Variants in PCDHGB6 observed in about 807,000 individuals in gnomAD.
PCDHGB6 encodes protocadherin gamma subfamily B, 6.
PCDHGB6 carries 51 observed loss-of-function variants against 59.1 expected under a neutral mutation model. The ratio of observed to expected loss-of-function variants is 0.86; its 90% confidence interval spans 0.69 to 1.09. PCDHGB6 has a LOEUF of 1.09. Among genes scored for constraint, PCDHGB6 ranks in the 50% least tolerant of loss-of-function variants. The probability of loss-of-function intolerance (pLI) is 0.00; values close to 1 mark genes in which losing one functional copy is unlikely to be tolerated. For missense variants in PCDHGB6, 1,148 were observed against 1,205.1 expected (o/e 0.95, Z 0.70); for synonymous variants, 466 against 495.1 (o/e 0.94, Z 0.78).
chr5:141,410,023 C>A lies in PCDHGB6; in HGVS notation c.1821C>A (p.His607Gln). The change falls in exon 1 of 4, where the codon CAC (histidine) becomes CAA (glutamine). Residue 607 changes from histidine (H) to glutamine (Q), a missense_variant. Physicochemically the swap from His to Gln is conservative, Grantham distance 24. Coordinates refer to ENST00000520790, the MANE Select transcript of PCDHGB6 (RefSeq NM_018926.3). ...GACACAACGCCTGGCTGTCCTACCA[C>A]GTGCTGCAGGCCAGTGAGCCCGGAC... ...DSGHNAWLSY[H>Q]VLQASEPGLF... 6.2e-7 allele frequency: 1 copy of A among 1,613,310 alleles called. No individual in the cohort carries two copies. The highest frequency in any genetic ancestry group is 1.1e-5 in the South Asian group (1 of 91,086).
chr5:141,448,669 G>A (rs553283446), intron 1 of PCDHGB6, among the ~76,000 whole-genome samples: 13 of 152,136 alleles, frequency 8.5e-5, no homozygotes, highest in African/African-American at 7.2e-5. Flanking sequence ...GGCCGGGCGC[G>A]GTGGCTCACG....
intron 1 of PCDHGB6, among the ~76,000 whole-genome samples, chr5:141,458,449 A>G (rs1483902182): frequency 6.6e-6 from 1 of 152,086 alleles, no homozygotes; most frequent in Non-Finnish European, 1.5e-5. Context: ...CCACATTAAC[A>G]ATTTTTAAAA....
In PCDHGB6 at chr5:141,409,824, C is replaced by A. The variant is rs1265260597; in HGVS notation, c.1622C>A (p.Thr541Lys). The change falls in exon 1 of 4, where the codon ACG becomes AAG. Residue 541 changes from threonine (T) to lysine (K), a missense_variant. Physicochemically the swap from Thr to Lys is moderately conservative, Grantham distance 78. Coordinates refer to ENST00000520790, the MANE Select transcript of PCDHGB6 (RefSeq NM_018926.3). ...TLQARDHGSP[T>K]LSANVSLRVL... Reference sequence around the variant, plus strand: ...CAGGCCCGCGACCACGGCTCGCCCACGCTCAGCGCCAACGTGAGCCTGCGC... The same window carrying A: ...CAGGCCCGCGACCACGGCTCGCCCAAGCTCAGCGCCAACGTGAGCCTGCGC... 6.2e-7 allele frequency: 1 copy of A among 1,610,742 alleles called. No individual in the cohort carries two copies. The highest frequency in any genetic ancestry group is 8.5e-7 in the Non-Finnish European group (1 of 1,178,856).
chr5:141,468,348 A>C (rs962230735), intron 1 of PCDHGB6: 2 of 150,318 alleles, frequency 1.3e-5, no homozygotes, highest in African/African-American at 4.9e-5. Context: ...AAAAAAAAAA[A>C]AGAAAGAAAA....
chr5:141,501,419 C>A (rs910783867), intron 2 of PCDHGB6, among the ~76,000 whole-genome samples: 1 of 151,920 alleles, frequency 6.6e-6, no homozygotes, highest in Non-Finnish European at 1.5e-5. Flanking sequence ...AAATAGTTGA[C>A]TAAATGTAGT....
chr5:141,451,914 A>G (rs1387569597), intron 1 of PCDHGB6, among the ~76,000 whole-genome samples: 3 of 152,022 alleles, frequency 2.0e-5, no homozygotes, highest in East Asian at 1.9e-4. Context: ...GGGAGGGAGG[A>G]AGGAAGGGAG....
In PCDHGB6 at chr5:141,431,464, G is replaced by C. The variant is rs1413324509; in HGVS notation, c.2418+20844G>C. On this transcript the variant is annotated intron_variant, in intron 1 of 3. Coordinates refer to ENST00000520790, the MANE Select transcript of PCDHGB6 (RefSeq NM_018926.3). This position sits in a 1 kb window ranked among gnomAD's most constrained non-coding sequence, Gnocchi z 4.8. ...GCATCCGCGTGATGGTTCTGGATGCGAACGACAACGCACCAGCGTTTGCTC... is the reference window on the plus strand; with the variant it reads ...GCATCCGCGTGATGGTTCTGGATGCCAACGACAACGCACCAGCGTTTGCTC... The C allele has an allele frequency of 6.2e-7, 1 of 1,613,664 alleles. No individual in the cohort carries two copies. Among genetic ancestry groups the C allele is most frequent in the African/African-American group, 1.3e-5 (1 of 74,950 alleles).
intron 1 of PCDHGB6, chr5:141,410,904 A>G (rs2095446600): frequency 3.8e-6 from 1 of 262,528 alleles, no homozygotes; most frequent in African/African-American, 3.2e-5. Flanking sequence ...CCTAGGCTGG[A>G]GTGCAGTGGC....
rs200900873 is a variant in PCDHGB6 at position 141,510,902 on chromosome 5, G to A, written c.2567-45G>A. On this transcript the variant is annotated intron_variant, in intron 3 of 3. Transcript: ENST00000520790. ...GGGGATATAAGACAGTGACTGTTGAGGACCCTAAGTTTAGCTCCCACCTGA... is the reference window on the plus strand; with the variant it reads ...GGGGATATAAGACAGTGACTGTTGAAGACCCTAAGTTTAGCTCCCACCTGA... The A allele has an allele frequency of 1.5e-3, 2,449 of 1,613,462 alleles. 7 individuals carry two copies. The highest frequency in any genetic ancestry group is 1.9e-3 in the Non-Finnish European group (2,206 of 1,179,758).
At position 141,431,052 on chromosome 5, in the gene PCDHGB6, G is replaced by A. The variant is rs148326556; in HGVS notation, c.2418+20432G>A. On this transcript the variant is annotated intron_variant, in intron 1 of 3. Transcript: ENST00000520790. The surrounding 1 kb of genome is among the most constrained non-coding windows in gnomAD (Gnocchi z 4.8). Reference sequence around the variant, plus strand: ...ATAGACCGGGAGGAGCTCTGTATGGGGGCCATCAAGTGTCAATTAAATCTA... The same window carrying A: ...ATAGACCGGGAGGAGCTCTGTATGGAGGCCATCAAGTGTCAATTAAATCTA... 2 of 1,614,228 alleles carry A rather than the reference G, an allele frequency of 1.2e-6. No individual in the cohort carries two copies. The highest frequency in any genetic ancestry group is 1.7e-6 in the Non-Finnish European group (2 of 1,180,044).
Position 141,454,782 on chromosome 5 carries a change from C to A in PCDHGB6, c.2419-40025C>A, listed in dbSNP as rs116242508. On this transcript the variant is annotated intron_variant, in intron 1 of 3. Transcript: ENST00000520790. ...GACATGTTTTTTACAAGGAAATAAT[C>A]CTCCATGGTTCTAATTTTTTTTTTT... is the stretch of plus-strand genomic sequence containing the variant. 8.4e-3 allele frequency among the ~76,000 whole-genome samples: 1,205 copies of A among 143,216 alleles called. 20 individuals are homozygous for A. Among genetic ancestry groups the A allele is most frequent in the African/African-American group, 0.03 (1,150 of 37,952 alleles). The allele number at this position is 143,216 out of a possible 152,430, so 94.0% of individuals were successfully genotyped here. A position where few individuals can be genotyped will look rare whatever the true frequency, so the allele number is the denominator to read the frequency against.
intron 1 of PCDHGB6, among the ~76,000 whole-genome samples, chr5:141,461,433 C>A (rs183800312): frequency 1.3e-5 from 2 of 151,970 alleles, no homozygotes; most frequent in Non-Finnish European, 1.5e-5. Context: ...CATTTGTATA[C>A]CTTCTTTTGA....
At chr5:141,421,972 C>T (rs764728654) in intron 1 of PCDHGB6, 2 of 1,609,892 alleles carry the variant, frequency 1.2e-6, no homozygotes, top group African/African-American at 2.7e-5. Context: ...GTCCGTATAT[C>T]GCGTGAGTGT....
Position 141,485,932 on chromosome 5 carries a change from G to A in PCDHGB6, c.2419-8875G>A. ...CCAGCTACAGGATTAGTGTGTTGGA[G>A]AGCGCACCAGCGGGCATGGTGCTCA... On this transcript the variant is annotated intron_variant, in intron 1 of 3. Transcript: ENST00000520790. The surrounding 1 kb of genome is among the most constrained non-coding windows in gnomAD (Gnocchi z 5.7). The A allele has an allele frequency of 6.2e-7, 1 of 1,614,184 alleles. No homozygotes were observed. The highest frequency in any genetic ancestry group is 8.5e-7 in the Non-Finnish European group (1 of 1,180,042).
chr5:141,449,569 A>G (rs1340921687), intron 1 of PCDHGB6, among the ~76,000 whole-genome samples: 2 of 148,390 alleles, frequency 1.3e-5, no homozygotes, highest in East Asian at 3.9e-4. Flanking sequence ...AGCCTGGGCG[A>G]CAGAGCAAGA....
In PCDHGB6 at chr5:141,487,135, A is replaced by T; in HGVS notation, c.2419-7672A>T. 6.2e-7 allele frequency: 1 copy of T among 1,613,544 alleles called. No individual in the cohort carries two copies. The highest frequency in any genetic ancestry group is 8.5e-7 in the Non-Finnish European group (1 of 1,179,856). ...TGGTAAAGGATAGTGGTAGTCCACC[A>T]CTCTCTACCTCTGTTACTCTCTTAG... On this transcript the variant is annotated intron_variant, in intron 1 of 3. Transcript: ENST00000520790. The surrounding 1 kb of genome is among the most constrained non-coding windows in gnomAD (Gnocchi z 5.0).
intron 1 of PCDHGB6, chr5:141,478,308 T>A: frequency 6.2e-7 from 1 of 1,614,050 alleles, no homozygotes; most frequent in Non-Finnish European, 8.5e-7. Context: ...CGAGCCCCGG[T>A]GAGCTCACTG....
rs777115265 is a variant in PCDHGB6, at chr5:141,485,247, G to C, written c.2419-9560G>C. ...CTTTTGTTCCTCTTTTACCACCTGG[G>C]TTACGTTTGTGGGCAGATCCGCTAC... On this transcript the variant is annotated intron_variant, in intron 1 of 3. Coordinates refer to ENST00000520790, the MANE Select transcript of PCDHGB6 (RefSeq NM_018926.3). This position sits in a 1 kb window ranked among gnomAD's most constrained non-coding sequence, Gnocchi z 5.7. 8.7e-6 allele frequency: 14 copies of C among 1,614,156 alleles called. No homozygotes were observed. In the African/African-American group the frequency reaches 1.6e-4, roughly 18 times the overall value.
chr5:141,466,928 T>TTAG (rs1231908662), intron 1 of PCDHGB6, among the ~76,000 whole-genome samples: 1 of 152,220 alleles, frequency 6.6e-6, no homozygotes, highest in Non-Finnish European at 1.5e-5. Context: ...ATTAGGAATA[T>TTAG]TAGTCCTTTG....
Sources: gnomAD v4.1 joint callset for allele counts (sites outside exome capture counted in the v4.1 genomes callset) on GRCh38, gnomAD v4.1.1 for gene constraint, Gnocchi (gnomAD v3.1) non-coding constraint, MANE v1.5 for transcripts, NCBI Gene and HGNC (gene_info 2026-07-23, HGNC 2026-07-21) for gene names.